The following DPYD variants were observed in gnomAD, a reference collection of about 807,000 sequenced individuals.
DPYD encodes dihydropyrimidine dehydrogenase [NADP(+)].
A neutral mutation model predicts 116.2 loss-of-function variants in DPYD; 109 were observed. That is an observed-to-expected ratio of 0.94 (90% CI 0.80 to 1.10). DPYD has a LOEUF of 1.10. Among genes scored for constraint, DPYD ranks in the 50% least tolerant of loss-of-function variants. The pLI, the probability that DPYD is intolerant of heterozygous loss-of-function variation, is 0.00. For synonymous variants in DPYD, 440 were observed against 432.0 expected, an observed-to-expected ratio of 1.02 and a Z score of -0.23; for missense variants, 1,302 against 1,254.5, an observed-to-expected ratio of 1.04 and a Z score of -0.57.
chr1:97,140,402 T>C (rs1654124737), intron 20 of DPYD, among the ~76,000 whole-genome samples: 1 of 152,016 alleles, frequency 6.6e-6, no homozygotes, highest in Admixed American at 6.6e-5. Flanking sequence ...TGCCGAAGCA[T>C]AGGAAATCAT....
chr1:97,348,850 G>C (rs1669988323), intron 16 of DPYD, among the ~76,000 whole-genome samples: 3 of 152,136 alleles, frequency 2.0e-5, no homozygotes, highest in Admixed American at 2.0e-4. Flanking sequence ...TATTGATCCA[G>C]ATGTTAAAGC....
At chr1:97,683,401 T>TA (rs1660533140) in intron 7 of DPYD, among the ~76,000 whole-genome samples, 1 of 151,728 alleles carries the variant, frequency 6.6e-6, no homozygotes, top group South Asian at 2.1e-4. Context: ...AAAAAGGTAA[T>TA]ACCTCTATTA....
intron 20 of DPYD, among the ~76,000 whole-genome samples, chr1:97,149,829 ACTTCATTGCATC>A (rs1404205846): frequency 1.3e-5 from 2 of 152,198 alleles, no homozygotes; most frequent in Admixed American, 1.3e-4. Context: ...GATGTCTGTA[ACTTCATTGCATC>A]ACATTTCCTA....
chr1:97,683,048 CT>C (rs998704586), intron 7 of DPYD, among the ~76,000 whole-genome samples: 1 of 151,866 alleles, frequency 6.6e-6, no homozygotes, highest in African/African-American at 2.4e-5. Context: ...AGGCTGACAA[CT>C]TTTTTGTGGA....
At chr1:97,703,169 T>C (rs1280813477) in intron 5 of DPYD, among the ~76,000 whole-genome samples, 1 of 152,034 alleles carries the variant, frequency 6.6e-6, no homozygotes, top group East Asian at 1.9e-4. Context: ...GCACTAGGTT[T>C]TCCCCGAGTT....
chr1:97,825,808 T>C (rs953734014), intron 3 of DPYD, among the ~76,000 whole-genome samples: 2 of 151,950 alleles, frequency 1.3e-5, no homozygotes, highest in African/African-American at 4.8e-5. Flanking sequence ...GATGGTCCCA[T>C]AGCCAAGCTA....
chr1:97,460,789 A>T (rs1676973091), intron 13 of DPYD, among the ~76,000 whole-genome samples: 1 of 152,154 alleles, frequency 6.6e-6, no homozygotes, highest in Non-Finnish European at 1.5e-5. Flanking sequence ...CTGTAATCCC[A>T]GCACTTTGGG....
intron 18 of DPYD, among the ~76,000 whole-genome samples, chr1:97,235,557 G>A (rs1570729986): frequency 6.6e-6 from 1 of 152,064 alleles, no homozygotes; most frequent in African/African-American, 2.4e-5. Context: ...CCACGAGGCG[G>A]AGGTTGCAGT....
chr1:97,561,708 T>C (rs927839732), intron 11 of DPYD, among the ~76,000 whole-genome samples: 3 of 152,188 alleles, frequency 2.0e-5, no homozygotes, highest in African/African-American at 4.8e-5. Flanking sequence ...TTAGCAATGA[T>C]ATGTTTTTCC....
chr1:97,541,732 T>C (rs1391024186), intron 12 of DPYD, among the ~76,000 whole-genome samples: 3 of 152,200 alleles, frequency 2.0e-5, no homozygotes, highest in Non-Finnish European at 2.9e-5. Context: ...ACCAACAAAG[T>C]ATTAATTTTG....
At chr1:97,670,907 G>T (rs1659827405) in intron 8 of DPYD, among the ~76,000 whole-genome samples, 1 of 151,932 alleles carries the variant, frequency 6.6e-6, no homozygotes, top group Non-Finnish European at 1.5e-5. Context: ...TCTAATTTAG[G>T]TAACTACCAT....
intron 2 of DPYD, among the ~76,000 whole-genome samples, chr1:97,869,836 T>C (rs1413927693): frequency 1.3e-5 from 2 of 151,578 alleles, no homozygotes; most frequent in Non-Finnish European, 1.5e-5. Flanking sequence ...TGGGTTTAAC[T>C]CCTTCTTTCT....
intron 3 of DPYD, among the ~76,000 whole-genome samples, chr1:97,748,169 T>A (rs1327305860): frequency 6.6e-6 from 1 of 152,124 alleles, no homozygotes; most frequent in Non-Finnish European, 1.5e-5. Flanking sequence ...GAAGGAAAAG[T>A]TATTTTCCTC....
chr1:97,500,191 C>G (rs988143668), intron 13 of DPYD, among the ~76,000 whole-genome samples: 34 of 151,926 alleles, frequency 2.2e-4, no homozygotes, highest in African/African-American at 7.7e-4. Context: ...TCAAATTTTA[C>G]AGGTAATTCA....
chr1:97,335,716 T>C (rs1669252726), intron 16 of DPYD, among the ~76,000 whole-genome samples: 1 of 152,194 alleles, frequency 6.6e-6, no homozygotes, highest in Non-Finnish European at 1.5e-5. Context: ...CAGATAGGTA[T>C]CAAAATAACT....
chr1:97,820,392 T>C (rs1025771849), intron 3 of DPYD, among the ~76,000 whole-genome samples: 4 of 152,188 alleles, frequency 2.6e-5, no homozygotes, highest in Non-Finnish European at 5.9e-5. Flanking sequence ...GTTAGATTGC[T>C]ATTTATATTG....
intron 13 of DPYD, among the ~76,000 whole-genome samples, chr1:97,463,736 C>T (rs1677147595): frequency 6.6e-6 from 1 of 152,124 alleles, no homozygotes; most frequent in Non-Finnish European, 1.5e-5. Flanking sequence ...TTGTTGGGAA[C>T]TACAGGAAAG....
chr1:97,608,043 A>C (rs1655709315), intron 8 of DPYD, among the ~76,000 whole-genome samples: 2 of 152,006 alleles, frequency 1.3e-5, no homozygotes, highest in Admixed American at 1.3e-4. Flanking sequence ...CAGAAGAAGA[A>C]AGGGGAAAAC....
intron 18 of DPYD, among the ~76,000 whole-genome samples, chr1:97,241,702 G>C (rs545369669): frequency 1.3e-5 from 2 of 151,780 alleles, no homozygotes; most frequent in African/African-American, 4.8e-5. Context: ...TTGTAGCTTT[G>C]AGCAAGCTCC....
Sources: allele counts gnomAD v4.1 joint callset (sites outside exome capture counted in the v4.1 genomes callset), GRCh38; gene constraint gnomAD v4.1.1; transcripts MANE v1.5; gene names NCBI Gene and HGNC (gene_info 2026-07-23, HGNC 2026-07-21).